The following CPNE8 variants were observed in gnomAD, a reference collection of about 807,000 sequenced individuals.
CPNE8 encodes the protein copine 8, also known as copine-8.
Under a neutral mutation model 81.5 loss-of-function variants are expected in CPNE8, and 45 were observed. The ratio of observed to expected loss-of-function variants is 0.55; its 90% CI spans 0.44 to 0.71. The LOEUF is 0.71. CPNE8 is among the 30% of genes least tolerant of loss of function. The probability of loss-of-function intolerance (pLI) is 0.00; values close to 1 mark genes in which losing one functional copy is unlikely to be tolerated. For missense variants in CPNE8, 594 were observed against 672.1 expected, an observed-to-expected ratio of 0.88 and a Z score of 1.28; for synonymous variants, 252 against 226.3, an observed-to-expected ratio of 1.11 and a Z score of -1.02.
chr12:38,744,414 T>C (rs1941178982), intron 10 of CPNE8, among the ~76,000 whole-genome samples: 1 of 152,236 alleles, frequency 6.6e-6, no homozygotes, highest in African/African-American at 2.4e-5. Context: ...AAGTCCATTA[T>C]ATCGACCTCT....
At position 38,869,950 on chromosome 12, in the gene CPNE8, T is replaced by C. The variant is rs775153127; in HGVS notation, c.186+3054A>G. ...TGTAGGCTTCCTCTTTCTACTTGTC[T>C]TTCTTTCCAAGCCAAGCATAAGAAA... On this transcript the variant is annotated intron_variant, in intron 3 of 19. Coordinates refer to ENST00000331366, the MANE Select transcript of CPNE8 (RefSeq NM_153634.3). Among the ~76,000 whole-genome samples, 11 of 152,384 alleles carry C rather than the reference T, an allele frequency of 7.2e-5. No individual in the cohort carries two copies. The South Asian group carries it at 1.2e-3, about 17-fold the overall frequency.
chr12:38,672,287 C>T (rs1236111342), intron 18 of CPNE8, among the ~76,000 whole-genome samples: 2 of 152,192 alleles, frequency 1.3e-5, no homozygotes, highest in Non-Finnish European at 2.9e-5. Context: ...AAGAAAAGGA[C>T]AGTCATTTAG....
chr12:38,850,240 A>C (rs1018571579), intron 3 of CPNE8, among the ~76,000 whole-genome samples: 6 of 152,194 alleles, frequency 3.9e-5, no homozygotes, highest in Non-Finnish European at 7.4e-5. Flanking sequence ...GAGAGCACTA[A>C]AGCAGCAAAT....
intron 9 of CPNE8, among the ~76,000 whole-genome samples, chr12:38,761,383 T>C (rs934724474): frequency 6.6e-6 from 1 of 152,174 alleles, no homozygotes; most frequent in Admixed American, 6.5e-5. Flanking sequence ...AAGAACATTA[T>C]GACTTTCTTA....
At chr12:38,796,726 G>A (rs545535725) in intron 6 of CPNE8, among the ~76,000 whole-genome samples, 1 of 152,226 alleles carries the variant, frequency 6.6e-6, no homozygotes, top group East Asian at 1.9e-4. Context: ...CCATGTCCAA[G>A]CCAAAGCAGG....
At chr12:38,850,830 A>C (rs1943632289) in intron 3 of CPNE8, among the ~76,000 whole-genome samples, 1 of 152,206 alleles carries the variant, frequency 6.6e-6, no homozygotes, top group Non-Finnish European at 1.5e-5. Context: ...CTTGTTCTCT[A>C]TACAATCACT....
chr12:38,890,568 TA>T lies in CPNE8; in HGVS notation c.98+14868del, dbSNP rs538615816. 3.7e-3 allele frequency among the ~76,000 whole-genome samples: 561 copies of T among 151,268 alleles called. 6 individuals are homozygous for T. Among genetic ancestry groups the T allele is most frequent in the African/African-American group, 0.011 (468 of 41,284 alleles). ...TGTGGCACAAAATTTAAATTGGTGA[TA>T]AAAAAAAATACAGAGTCTGGAAGAA... On this transcript the variant is annotated intron_variant, in intron 1 of 19. Transcript: ENST00000331366.
intron 6 of CPNE8, among the ~76,000 whole-genome samples, chr12:38,787,819 T>C (rs1249047929): frequency 6.6e-6 from 1 of 151,652 alleles, no homozygotes; most frequent in African/African-American, 2.4e-5. Context: ...TAAGCACCTA[T>C]ATGCCAATAA....
intron 19 of CPNE8, among the ~76,000 whole-genome samples, chr12:38,664,871 C>T (rs972893489): frequency 1.3e-5 from 2 of 152,048 alleles, no homozygotes; most frequent in African/African-American, 4.8e-5. Context: ...GGGGGCACTG[C>T]CCACAGGTTG....
chr12:38,799,825 C>A (rs1478121092), intron 6 of CPNE8, among the ~76,000 whole-genome samples: 14 of 148,158 alleles, frequency 9.4e-5, no homozygotes, highest in East Asian at 7.9e-4. Flanking sequence ...CGAAGCAGGG[C>A]GAGGCATTGC....
intron 10 of CPNE8, among the ~76,000 whole-genome samples, chr12:38,755,870 C>T (rs963109711): frequency 2.0e-5 from 3 of 151,532 alleles, no homozygotes; most frequent in African/African-American, 7.3e-5. Context: ...GAAACCCCGT[C>T]TCTACTAAAA....
At chr12:38,666,052 G>A (rs1269549133) in intron 19 of CPNE8, among the ~76,000 whole-genome samples, 1 of 152,094 alleles carries the variant, frequency 6.6e-6, no homozygotes, top group African/African-American at 2.4e-5. Flanking sequence ...AGCACAATAT[G>A]TCATTTAATA....
At chr12:38,896,803 C>G (rs1944394605) in intron 1 of CPNE8, among the ~76,000 whole-genome samples, 1 of 152,100 alleles carries the variant, frequency 6.6e-6, no homozygotes, top group Non-Finnish European at 1.5e-5. Flanking sequence ...AGCTTTATCA[C>G]TGTCACCTTG....
At chr12:38,841,213 A>T (rs1943463393) in intron 4 of CPNE8, among the ~76,000 whole-genome samples, 1 of 152,160 alleles carries the variant, frequency 6.6e-6, no homozygotes, top group African/African-American at 2.4e-5. Context: ...AGGTGAAAGG[A>T]CAGGGTCTTT....
chr12:38,716,793 C>T (rs540917846), intron 13 of CPNE8, among the ~76,000 whole-genome samples: 1 of 152,090 alleles, frequency 6.6e-6, no homozygotes, highest in African/African-American at 2.4e-5. Flanking sequence ...ACAAATCAGA[C>T]CTAATTAAAC....
chr12:38,817,251 A>G (rs1943041163), intron 6 of CPNE8, among the ~76,000 whole-genome samples: 1 of 152,236 alleles, frequency 6.6e-6, no homozygotes, highest in Non-Finnish European at 1.5e-5. Context: ...ATTCAAAACA[A>G]TGATTTTCCA....
intron 13 of CPNE8, among the ~76,000 whole-genome samples, chr12:38,710,114 A>C (rs1940212944): frequency 6.6e-6 from 1 of 151,922 alleles, no homozygotes; most frequent in Non-Finnish European, 1.5e-5. Flanking sequence ...TATTTTTTTC[A>C]CACAATACTA....
intron 8 of CPNE8, among the ~76,000 whole-genome samples, chr12:38,764,631 A>AG (rs1368498381): frequency 6.6e-6 from 1 of 151,102 alleles, no homozygotes; most frequent in South Asian, 2.1e-4. Flanking sequence ...AAAAAAAAAA[A>AG]AAAAAAAAGA....
chr12:38,681,940 G>T (rs1939416396), intron 16 of CPNE8, among the ~76,000 whole-genome samples: 1 of 152,180 alleles, frequency 6.6e-6, no homozygotes, highest in Non-Finnish European at 1.5e-5. Context: ...GAGTATTTAG[G>T]CTGGGCCCAG....
Sources: allele counts gnomAD v4.1 joint callset (sites outside exome capture counted in the v4.1 genomes callset), GRCh38; gene constraint gnomAD v4.1.1; transcripts MANE v1.5; gene names NCBI Gene and HGNC (gene_info 2026-07-23, HGNC 2026-07-21).